Variants in IFNLR1 observed in about 807,000 individuals in gnomAD.
IFNLR1 encodes interferon lambda receptor 1, also known as CRF2-12.
A neutral mutation model predicts 52.5 loss-of-function variants in IFNLR1; 28 were observed. The observed-to-expected ratio is 0.53, with a 90% confidence interval of 0.40 to 0.73. The LOEUF is 0.73. Ranked by LOEUF, IFNLR1 falls within the 30% of genes least tolerant of loss-of-function variation. The pLI is 0.00. For synonymous variants in IFNLR1, 276 were observed against 274.9 expected (o/e 1.00, Z -0.04); for missense variants, 623 against 659.1 (o/e 0.95, Z 0.60).
intron 1 of IFNLR1, 115 bp from the exon 2 acceptor site, chr1:24,180,969 C>A: frequency 9.3e-7 from 1 of 1,073,560 alleles, no homozygotes; most frequent in East Asian, 2.6e-5. Flanking sequence ...GTTTGAGGAA[C>A]CAGGAGCCAC....
Position 24,168,748 on chromosome 1 carries a change from T to C in IFNLR1, c.367+669A>G, listed in dbSNP as rs914559684. Among the ~76,000 whole-genome samples the C allele has an allele frequency of 2.6e-5, 4 of 152,254 alleles. No individual in the cohort carries two copies. The South Asian group carries it at 8.3e-4, about 32-fold the overall frequency. On this transcript the variant is annotated intron_variant, in intron 3 of 6. Coordinates refer to ENST00000327535, the MANE Select transcript of IFNLR1 (RefSeq NM_170743.4). Reference sequence around the variant, plus strand: ...CAAACAGAATTTGTTTTTTTTTCTTTGTTTATTAATTTTTTTCTTTTGAGA... The same window carrying C: ...CAAACAGAATTTGTTTTTTTTTCTTCGTTTATTAATTTTTTTCTTTTGAGA...
intron 2 of IFNLR1, 69 bp from the exon 3 acceptor site, chr1:24,169,670 G>C: frequency 6.8e-7 from 1 of 1,478,946 alleles, no homozygotes; most frequent in South Asian, 1.3e-5. Context: ...TTAGAGAACA[G>C]TTGATCATGC....
chr1:24,175,537 G>C (rs1170574011), intron 2 of IFNLR1, among the ~76,000 whole-genome samples: 2 of 152,200 alleles, frequency 1.3e-5, no homozygotes, highest in Non-Finnish European at 2.9e-5. Flanking sequence ...AGGTTCATAA[G>C]TGGAGAGGAA....
chr1:24,162,779 TTTC>T (rs1557643947), intron 3 of IFNLR1, among the ~76,000 whole-genome samples: 1 of 14,758 alleles, frequency 6.8e-5, no homozygotes, highest in Non-Finnish European at 1.3e-4. Context: ...TTTCTTTCTT[TTTC>T]TTTCTTTTTC....
At chr1:24,178,066 CTT>C (rs1557651856) in intron 2 of IFNLR1, among the ~76,000 whole-genome samples, 2 of 152,104 alleles carry the variant, frequency 1.3e-5, no homozygotes, top group African/African-American at 4.8e-5. Context: ...GGGCAGATCA[CTT>C]GAGGTCAGGA....
chr1:24,178,376 T>C (rs1644656076), intron 2 of IFNLR1, among the ~76,000 whole-genome samples: 1 of 152,150 alleles, frequency 6.6e-6, no homozygotes. Context: ...TAAGTAGTGA[T>C]CAGCATAGCT....
intron 3 of IFNLR1, among the ~76,000 whole-genome samples, chr1:24,167,933 G>A (rs1443133441): frequency 3.4e-5 from 5 of 148,732 alleles, no homozygotes; most frequent in African/African-American, 7.5e-5. Context: ...TCCTGACCTC[G>A]TGATCCGCCC....
chr1:24,171,458 A>G (rs142940725), intron 2 of IFNLR1, among the ~76,000 whole-genome samples: 2 of 152,316 alleles, frequency 1.3e-5, no homozygotes, highest in African/African-American at 4.8e-5. Context: ...GTTAATAACA[A>G]AAAGAGAACT....
At chr1:24,185,808 A>G in intron 1 of IFNLR1, among the ~76,000 whole-genome samples, 1 of 152,212 alleles carries the variant, frequency 6.6e-6, no homozygotes, top group East Asian at 1.9e-4. Flanking sequence ...GAAGCCTTCA[A>G]AGGATGCCAG....
At chr1:24,172,042 C>T (rs1353175562) in intron 2 of IFNLR1, among the ~76,000 whole-genome samples, 1 of 151,314 alleles carries the variant, frequency 6.6e-6, no homozygotes, top group Non-Finnish European at 1.5e-5. Context: ...TGGCCTCAAG[C>T]AATCCTCCCA....
intron 1 of IFNLR1, among the ~76,000 whole-genome samples, chr1:24,183,705 C>T (rs1644712229): frequency 6.6e-6 from 1 of 152,172 alleles, no homozygotes. Context: ...TTCCATCTCA[C>T]TCCAGGTAAA....
chr1:24,172,833 T>C (rs1189601680), intron 2 of IFNLR1, among the ~76,000 whole-genome samples: 2 of 152,196 alleles, frequency 1.3e-5, no homozygotes, highest in East Asian at 1.9e-4. Context: ...TGGTTTCTAC[T>C]GAGGCCTCTC....
chr1:24,172,795 A>T (rs1644594326), intron 2 of IFNLR1, among the ~76,000 whole-genome samples: 1 of 152,178 alleles, frequency 6.6e-6, no homozygotes, highest in African/African-American at 2.4e-5. Flanking sequence ...TGGAGGCTGG[A>T]AGTCCAAGAT....
At chr1:24,177,163 C>A (rs919433680) in intron 2 of IFNLR1, among the ~76,000 whole-genome samples, 6 of 152,000 alleles carry the variant, frequency 3.9e-5, no homozygotes, top group African/African-American at 7.3e-5. Context: ...AAGCAACAAC[C>A]CTTTATTAGT....
At chr1:24,180,594 C>T (rs745572669) in intron 2 of IFNLR1, 137 bp downstream of exon 2, 33 of 801,120 alleles carry the variant, frequency 4.1e-5, no homozygotes, top group African/African-American at 8.7e-5. Flanking sequence ...CAAATGCCGG[C>T]CACATGCCAT....
At chr1:24,176,224 G>C (rs1260416358) in intron 2 of IFNLR1, among the ~76,000 whole-genome samples, 1 of 152,178 alleles carries the variant, frequency 6.6e-6, no homozygotes, top group Non-Finnish European at 1.5e-5. Flanking sequence ...TGAGGGAAAG[G>C]AGCCAGACAC....
intron 1 of IFNLR1, among the ~76,000 whole-genome samples, chr1:24,181,413 G>A (rs148959862): frequency 8.0e-4 from 122 of 152,242 alleles, no homozygotes; most frequent in African/African-American, 2.6e-3. Context: ...TCTCCCTCCC[G>A]GCAAACTGGG....
intron 3 of IFNLR1, among the ~76,000 whole-genome samples, chr1:24,167,700 A>G (rs1644533833): frequency 7.1e-6 from 1 of 140,772 alleles, no homozygotes; most frequent in South Asian, 2.2e-4. Flanking sequence ...TTATTTATTT[A>G]TTTATTTATT....
In IFNLR1 at chr1:24,159,509, A is replaced by C. The variant is rs1442078534; in HGVS notation, c.635T>G (p.Phe212Cys). 6 of 1,613,984 alleles carry C rather than the reference A, an allele frequency of 3.7e-6. No individual in the cohort carries two copies. The highest frequency in any genetic ancestry group is 2.5e-6 in the Non-Finnish European group (3 of 1,180,022). ...YTFSVPKYSK[F>C]SKPTCFLLEV... is the part of the protein sequence containing the mutation. The stretch of plus-strand genomic sequence containing the variant: ...CAGCAAGAAGCAGGTGGGCTTAGAG[A>C]ACTTGCTGTATTTCGGGACACTGAA... Residue 212 changes from phenylalanine to cysteine, a missense_variant, in exon 5 of 7, where the codon TTC becomes TGC. Phe to Cys is a radical substitution (Grantham distance 205). Coordinates refer to ENST00000327535, the MANE Select transcript of IFNLR1 (RefSeq NM_170743.4).
Sources: gnomAD v4.1 joint callset for allele counts (sites outside exome capture counted in the v4.1 genomes callset) on GRCh38, gnomAD v4.1.1 for gene constraint, MANE v1.5 for transcripts, NCBI Gene and HGNC (gene_info 2026-07-23, HGNC 2026-07-21) for gene names.